The following ITPR1 variants were observed in gnomAD, a reference collection of about 807,000 sequenced individuals.
ITPR1 encodes the protein inositol 1,4,5-trisphosphate receptor type 1.
A neutral mutation model predicts 318.4 loss-of-function variants in ITPR1; 96 were observed. The observed-to-expected ratio is 0.30, with a 90% CI of 0.26 to 0.36. The LOEUF is 0.36. ITPR1 is among the 10% of genes least tolerant of loss of function. The pLI is 1.00. For synonymous variants in ITPR1, 1,312 were observed against 1,289.9 expected (o/e 1.02, Z -0.37); for missense variants, 2,440 against 3,460.2 (o/e 0.71, Z 7.40).
intron 37 of ITPR1, among the ~76,000 whole-genome samples, chr3:4,708,613 A>T (rs552809003): frequency 6.6e-6 from 1 of 152,234 alleles, no homozygotes. Context: ...CAAATGAAAC[A>T]AACTATCTGC....
intron 31 of ITPR1, among the ~76,000 whole-genome samples, chr3:4,690,786 G>T (rs190592737): frequency 1.3e-5 from 2 of 152,292 alleles, no homozygotes; most frequent in African/African-American, 4.8e-5. Flanking sequence ...AGTGCAAGAG[G>T]TTTAAGAACA....
In ITPR1 at chr3:4,846,295, T is replaced by A; in HGVS notation, c.*70T>A. On this transcript the variant is annotated 3_prime_UTR_variant, in exon 62 of 62. Transcript: ENST00000649015. ...TAGTGTGGGTATGGCTAATGAGTTC[T>A]GATTCACCCACGAAGGTTACATTTA... 9.8e-7 allele frequency: 1 copy of A among 1,019,248 alleles called. No homozygotes were observed. Among genetic ancestry groups the A allele is most frequent in the Non-Finnish European group, 1.5e-6 (1 of 671,372 alleles). The allele number at this position is 1,019,248 out of a possible 1,614,324, so 63.1% of individuals were successfully genotyped here.
chr3:4,784,966 C>T (rs1043890760), intron 51 of ITPR1, among the ~76,000 whole-genome samples: 2 of 152,042 alleles, frequency 1.3e-5, no homozygotes, highest in African/African-American at 4.8e-5. Flanking sequence ...GGAGACTCCA[C>T]CTAATCTAGG....
At chr3:4,658,336 C>G in intron 13 of ITPR1, 58 bp downstream of exon 13, 1 of 1,439,344 alleles carries the variant, frequency 6.9e-7, no homozygotes, top group Non-Finnish European at 9.5e-7. Flanking sequence ...GTGGCCTGAC[C>G]AGGTTTCTTG....
chr3:4,640,714 AAATGGT>A (rs1208485697), intron 6 of ITPR1, among the ~76,000 whole-genome samples: 1 of 152,238 alleles, frequency 6.6e-6, no homozygotes, highest in African/African-American at 2.4e-5. Context: ...AGCAAAATGG[AAATGGT>A]AATGGCATCT....
intron 51 of ITPR1, among the ~76,000 whole-genome samples, chr3:4,784,497 C>T (rs1038623366): frequency 1.3e-5 from 2 of 151,786 alleles, no homozygotes; most frequent in African/African-American, 4.8e-5. Context: ...TGGGCTGCAT[C>T]CCCAGAGCAA....
chr3:4,658,096 T>C (rs745942736), intron 12 of ITPR1, 28 bp from the exon 13 acceptor site: 5 of 1,589,636 alleles, frequency 3.1e-6, no homozygotes, highest in Non-Finnish European at 4.3e-6. Flanking sequence ...CATGCATGGT[T>C]CTTGATTTGG....
chr3:4,752,391 G>C (rs1360843143), intron 44 of ITPR1, among the ~76,000 whole-genome samples: 2 of 152,152 alleles, frequency 1.3e-5, no homozygotes, highest in Non-Finnish European at 2.9e-5. Flanking sequence ...GTAGTTAACA[G>C]TTAACTCGAT....
chr3:4,655,101 A>G (rs1465158415), intron 12 of ITPR1, among the ~76,000 whole-genome samples: 1 of 152,114 alleles, frequency 6.6e-6, no homozygotes. Flanking sequence ...TCTCTGCATC[A>G]TGTTCATGTT....
intron 30 of ITPR1, among the ~76,000 whole-genome samples, chr3:4,687,706 G>A (rs1190478315): frequency 6.6e-6 from 1 of 152,072 alleles, no homozygotes; most frequent in Non-Finnish European, 1.5e-5. Flanking sequence ...GGCTTATTAC[G>A]GAATATTTAA....
intron 58 of ITPR1, chr3:4,814,791 C>T (rs1393363504): frequency 5.0e-6 from 3 of 603,924 alleles, no homozygotes; most frequent in African/African-American, 3.7e-5. Flanking sequence ...GTTCAGTAGA[C>T]TTAGGGACTG....
intron 40 of ITPR1, among the ~76,000 whole-genome samples, chr3:4,724,707 G>A (rs973740088): frequency 7.2e-5 from 11 of 152,140 alleles, no homozygotes; most frequent in East Asian, 1.9e-4. Flanking sequence ...CAGATGGAGC[G>A]GTGGACTTTT....
chr3:4,742,917 A>G (rs991858996), intron 44 of ITPR1, among the ~76,000 whole-genome samples: 2 of 152,212 alleles, frequency 1.3e-5, no homozygotes, highest in Admixed American at 6.5e-5. Flanking sequence ...TTCACACTCA[A>G]TTGACCCAAG....
intron 26 of ITPR1, among the ~76,000 whole-genome samples, chr3:4,681,965 G>A (rs1318212002): frequency 6.6e-6 from 1 of 151,924 alleles, no homozygotes; most frequent in Non-Finnish European, 1.5e-5. Flanking sequence ...TTATAATTAT[G>A]GAACTCTTAT....
intron 2 of ITPR1, among the ~76,000 whole-genome samples, chr3:4,510,970 G>A (rs1237034454): frequency 2.0e-5 from 3 of 152,194 alleles, no homozygotes; most frequent in Non-Finnish European, 2.9e-5. Flanking sequence ...GGAGCCACCA[G>A]GCTTTGCTGG....
chr3:4,837,838 T>C (rs1337072354), intron 61 of ITPR1, among the ~76,000 whole-genome samples: 1 of 152,224 alleles, frequency 6.6e-6, no homozygotes, highest in Non-Finnish European at 1.5e-5. Context: ...AGTGCATTTC[T>C]GTAAGTGACT....
At chr3:4,562,310 G>C (rs575038183) in intron 4 of ITPR1, among the ~76,000 whole-genome samples, 11 of 152,166 alleles carry the variant, frequency 7.2e-5, no homozygotes, top group Admixed American at 7.2e-4. Flanking sequence ...AGACAGTAAT[G>C]TTAAGTTGCA....
At chr3:4,522,934 C>G (rs992921858) in intron 4 of ITPR1, among the ~76,000 whole-genome samples, 3 of 152,182 alleles carry the variant, frequency 2.0e-5, no homozygotes, top group African/African-American at 7.2e-5. Flanking sequence ...GGGAGATCAC[C>G]TGGAGAACTC....
intron 60 of ITPR1, chr3:4,831,198 AT>A (rs1292690667): frequency 5.6e-6 from 2 of 360,144 alleles, no homozygotes; most frequent in African/African-American, 4.4e-5. Context: ...AGTCAAGGAC[AT>A]TTCAAGAGGT....
Sources: allele counts gnomAD v4.1 joint callset (sites outside exome capture counted in the v4.1 genomes callset), GRCh38; gene constraint gnomAD v4.1.1; transcripts MANE v1.5; gene names NCBI Gene and HGNC (gene_info 2026-07-23, HGNC 2026-07-21).